GRIP1: variants seen among roughly 807,000 people sequenced by gnomAD.
GRIP1 encodes the protein glutamate receptor interacting protein 1, also known as glutamate receptor-interacting protein 1.
GRIP1 carries 45 observed loss-of-function variants against 129.9 expected under a neutral mutation model. The observed-to-expected ratio is 0.35, with a 90% CI of 0.27 to 0.44. The LOEUF is 0.44. Among genes scored for constraint, GRIP1 ranks in the 20% least tolerant of loss-of-function variants. GRIP1 has a pLI of 1.00. For missense variants in GRIP1, 1,196 were observed against 1,396.8 expected (o/e 0.86, Z 2.29); for synonymous variants, 530 against 520.8 (o/e 1.02, Z -0.24).
chr12:66,501,297 T>A (rs1380290014), intron 7 of GRIP1, among the ~76,000 whole-genome samples: 2 of 152,188 alleles, frequency 1.3e-5, no homozygotes, highest in East Asian at 3.9e-4. Flanking sequence ...GTACTGAAGT[T>A]AATACTGTTG....
At chr12:66,746,445 A>G (rs755078142) in intron 1 of GRIP1, among the ~76,000 whole-genome samples, 1 of 152,226 alleles carries the variant, frequency 6.6e-6, no homozygotes, top group Non-Finnish European at 1.5e-5. Context: ...GCAGTTCATT[A>G]AGAGCCCTAT....
chr12:66,772,908 A>G (rs916763000), intron 1 of GRIP1, among the ~76,000 whole-genome samples: 1 of 152,182 alleles, frequency 6.6e-6, no homozygotes, highest in Admixed American at 6.5e-5. Flanking sequence ...CAGACCATCA[A>G]GAGTGGCAAG....
intron 1 of GRIP1, among the ~76,000 whole-genome samples, chr12:66,745,226 G>A (rs2036908557): frequency 6.6e-6 from 1 of 152,156 alleles, no homozygotes; most frequent in Admixed American, 6.5e-5. Flanking sequence ...TTTAGGAATG[G>A]TCAGTAAAAC....
At chr12:66,721,366 C>T (rs140949018) in intron 1 of GRIP1, among the ~76,000 whole-genome samples, 5,033 of 152,074 alleles carry the variant, frequency 0.033, 96 homozygotes, top group Middle Eastern at 0.065. Context: ...CCTCCACCTC[C>T]CAGGTTCAAG....
rs142991553 is a variant in GRIP1, at chr12:66,899,676, C to T, written c.58+169374G>A. Among the ~76,000 whole-genome samples, 16 of 152,284 alleles carry T rather than the reference C, an allele frequency of 1.1e-4. No individual in the cohort carries two copies. The East Asian group carries it at 3.1e-3, about 29-fold the overall frequency. On this transcript the variant is annotated intron_variant, in intron 1 of 1. Coordinates refer to the GRIP1 transcript ENST00000643019. The stretch of plus-strand genomic sequence containing the variant: ...CACTGCATCCAACCCATGTGAGATT[C>T]TAACCTCATACAACTCATCTTTTGC...
chr12:67,020,890 A>G (rs2042856868), intron 1 of GRIP1, among the ~76,000 whole-genome samples: 2 of 152,022 alleles, frequency 1.3e-5, no homozygotes, highest in African/African-American at 2.4e-5. Context: ...ACTTTAGTCC[A>G]GGAGTTCAAG....
At chr12:66,363,199 CCATATATATATATA>C (rs2054902985) in intron 23 of GRIP1, among the ~76,000 whole-genome samples, 14 of 35,328 alleles carry the variant, frequency 4.0e-4, no homozygotes, top group South Asian at 9.3e-4. Context: ...GTGTGTGTGT[CCATATATATATATA>C]TATATATATA....
At chr12:66,989,047 TC>T (rs1397047281) in intron 1 of GRIP1, among the ~76,000 whole-genome samples, 1 of 152,100 alleles carries the variant, frequency 6.6e-6, no homozygotes, top group Admixed American at 6.5e-5. Context: ...TTCTCAACAG[TC>T]CCCTAAGAAA....
chr12:66,840,965 C>T (rs1353942400), intron 1 of GRIP1, among the ~76,000 whole-genome samples: 7 of 152,138 alleles, frequency 4.6e-5, no homozygotes, highest in Non-Finnish European at 8.8e-5. Context: ...AAAAGACACT[C>T]ATTTAAATGT....
At chr12:66,852,316 G>T (rs1315467927) in intron 1 of GRIP1, among the ~76,000 whole-genome samples, 1 of 151,674 alleles carries the variant, frequency 6.6e-6, no homozygotes, top group Non-Finnish European at 1.5e-5. Context: ...AGATTTACTC[G>T]GTGTGCTCAG....
In GRIP1 at chr12:66,500,470, TGTGGTC is replaced by T. The variant is rs1373066594; in HGVS notation, c.724+15143_724+15148del. Among the ~76,000 whole-genome samples the T allele has an allele frequency of 3.9e-5, 6 of 152,128 alleles. No individual in the cohort carries two copies. The East Asian group carries it at 1.2e-3, about 29-fold the overall frequency. On this transcript the variant is annotated intron_variant, in intron 7 of 24. Coordinates refer to ENST00000359742, the MANE Select transcript of GRIP1 (RefSeq NM_001366722.1). The stretch of plus-strand genomic sequence containing the variant: ...AGAGTCTTAGTGTTAGACTAAAAAT[TGTGGTC>T]TTTATTTTATAACTAACAGGGAGAT...
At chr12:66,576,341 T>C (rs150843898) in intron 2 of GRIP1, among the ~76,000 whole-genome samples, 151 of 152,376 alleles carry the variant, frequency 9.9e-4, no homozygotes, top group African/African-American at 3.4e-3. Context: ...CTGCCGGGGA[T>C]GCTGCAAAGC....
At chr12:66,561,793 T>C (rs1462761855) in intron 2 of GRIP1, among the ~76,000 whole-genome samples, 2 of 152,152 alleles carry the variant, frequency 1.3e-5, no homozygotes. Flanking sequence ...TTATTTTATT[T>C]GCTGCTAAGA....
intron 1 of GRIP1, among the ~76,000 whole-genome samples, chr12:66,951,486 G>T (rs777330345): frequency 6.6e-6 from 1 of 152,190 alleles, no homozygotes; most frequent in African/African-American, 2.4e-5. Context: ...CTTGTGACAT[G>T]AGGTTGGAGG....
At chr12:66,653,376 G>T (rs920294105) in intron 1 of GRIP1, among the ~76,000 whole-genome samples, 1 of 152,148 alleles carries the variant, frequency 6.6e-6, no homozygotes, top group Non-Finnish European at 1.5e-5. Context: ...GAATATTCAG[G>T]CATTTTGAAC....
chr12:66,793,378 G>C (rs1000181108), intron 1 of GRIP1, among the ~76,000 whole-genome samples: 2 of 152,050 alleles, frequency 1.3e-5, no homozygotes, highest in South Asian at 2.1e-4. Flanking sequence ...TGCTCACCTT[G>C]GTGATAAATT....
At chr12:67,052,935 C>T (rs1378412547) in intron 1 of GRIP1, among the ~76,000 whole-genome samples, 1 of 152,066 alleles carries the variant, frequency 6.6e-6, no homozygotes, top group Non-Finnish European at 1.5e-5. Context: ...ACTTAGAATC[C>T]AATTCAGATT....
chr12:66,954,545 A>G (rs1171093934), intron 1 of GRIP1, among the ~76,000 whole-genome samples: 1 of 152,234 alleles, frequency 6.6e-6, no homozygotes, highest in African/African-American at 2.4e-5. Context: ...TACCAAAAAC[A>G]AAGCCTAATT....
intron 13 of GRIP1, among the ~76,000 whole-genome samples, chr12:66,437,427 TGGGAAC>T (rs1469257380): frequency 6.6e-6 from 1 of 152,192 alleles, no homozygotes; most frequent in Non-Finnish European, 1.5e-5. Context: ...AACAACAAGA[TGGGAAC>T]ATAGCTTTTC....
Sources: allele counts gnomAD v4.1 joint callset (sites outside exome capture counted in the v4.1 genomes callset), GRCh38; gene constraint gnomAD v4.1.1; transcripts MANE v1.5; gene names NCBI Gene and HGNC (gene_info 2026-07-23, HGNC 2026-07-21).